Variants in SLC10A7 observed in about 807,000 individuals in gnomAD.
SLC10A7 encodes sodium/bile acid cotransporter 7.
In SLC10A7, 29 loss-of-function variants were observed where a neutral mutation model predicts 43.2. That is an observed-to-expected ratio of 0.67 (90% CI 0.50 to 0.92). The LOEUF (loss-of-function observed/expected upper bound fraction) is 0.92, where lower values mean the gene tolerates loss of function less well. Ranked by LOEUF, SLC10A7 falls within the 40% of genes least tolerant of loss-of-function variation. The probability of loss-of-function intolerance (pLI) is 0.00; values close to 1 mark genes in which losing one functional copy is unlikely to be tolerated. For synonymous variants in SLC10A7, 152 were observed against 144.8 expected (o/e 1.05, Z -0.35); for missense variants, 295 against 403.2 (o/e 0.73, Z 2.30).
In SLC10A7 at chr4:146,370,671, C is replaced by T. The variant is rs554700348; in HGVS notation, c.436-44675G>A. ...AGCCTTTTTTAATCTTCCCCCACAG[C>T]GCTCAGAGGTACTTTTCATAGAAGA... On this transcript the variant is annotated intron_variant, in intron 5 of 11. Transcript: ENST00000335472. 3.9e-5 allele frequency among the ~76,000 whole-genome samples: 6 copies of T among 152,238 alleles called. No homozygotes were observed. In the South Asian group the frequency reaches 8.3e-4, roughly 21 times the overall value.
chr4:146,357,079 C>T (rs1396073887), intron 5 of SLC10A7, among the ~76,000 whole-genome samples: 1 of 151,978 alleles, frequency 6.6e-6, no homozygotes, highest in Non-Finnish European at 1.5e-5. Context: ...GGTACGTCAC[C>T]CATGAAGAAA....
intron 5 of SLC10A7, among the ~76,000 whole-genome samples, chr4:146,343,215 T>G (rs1285137521): frequency 6.6e-6 from 1 of 152,012 alleles, no homozygotes; most frequent in Non-Finnish European, 1.5e-5. Context: ...TGGGTTCTGT[T>G]TTTCTATTTT....
At chr4:146,263,193 C>T (rs771536105) in intron 10 of SLC10A7, among the ~76,000 whole-genome samples, 17 of 152,214 alleles carry the variant, frequency 1.1e-4, no homozygotes, top group Admixed American at 2.6e-4. Flanking sequence ...TCTGGGAAGC[C>T]ATCCTCAGAG....
intron 10 of SLC10A7, among the ~76,000 whole-genome samples, chr4:146,259,516 G>T (rs868004189): frequency 6.6e-6 from 1 of 152,154 alleles, no homozygotes; most frequent in African/African-American, 2.4e-5. Context: ...CAGAAGAATC[G>T]CTTGAACCTG....
chr4:146,268,679 T>C (rs1728712022), intron 10 of SLC10A7, among the ~76,000 whole-genome samples: 1 of 152,190 alleles, frequency 6.6e-6, no homozygotes, highest in Non-Finnish European at 1.5e-5. Context: ...ACCATTGTTA[T>C]CCTCACTTTT....
At chr4:146,314,764 G>A (rs1293559402) in intron 6 of SLC10A7, among the ~76,000 whole-genome samples, 1 of 152,202 alleles carries the variant, frequency 6.6e-6, no homozygotes, top group Admixed American at 6.5e-5. Flanking sequence ...CTGGAGAGAG[G>A]AGAAGTGTGG....
Position 146,442,366 on chromosome 4 carries a change from G to A in SLC10A7, c.435+417C>T, listed in dbSNP as rs538679996. On this transcript the variant is annotated intron_variant, in intron 5 of 11. Coordinates refer to ENST00000335472, the MANE Select transcript of SLC10A7 (RefSeq NM_001029998.6). ...CCAGTAGCTTCTTTGACAGTGAAATGTACAAAATAAATGGCATGTCAACAA... is the reference window on the plus strand; with the variant it reads ...CCAGTAGCTTCTTTGACAGTGAAATATACAAAATAAATGGCATGTCAACAA... 39 of 999,926 alleles carry A rather than the reference G, an allele frequency of 3.9e-5. No homozygotes were observed. In the South Asian group the frequency reaches 1.4e-3, roughly 36 times the overall value. 61.9% of individuals were successfully genotyped at this position (999,926 alleles called of 1,614,324 possible).
At chr4:146,258,933 T>G (rs1318678281) in intron 10 of SLC10A7, 96 bp from the exon 11 acceptor site, 1 of 1,321,774 alleles carries the variant, frequency 7.6e-7, no homozygotes, top group African/African-American at 1.5e-5. Flanking sequence ...GAATAGGTTA[T>G]TACCATATTT....
At position 146,286,627 on chromosome 4, in the gene SLC10A7, C is replaced by T. The variant is rs78981884; in HGVS notation, c.774-3362G>A. ...CCGTGTCTGGAGTGGTGAGAAGGAC[C>T]GTGTCTGGAGTGGTGAGAAGGACCG... On this transcript the variant is annotated intron_variant, in intron 9 of 11. Coordinates refer to ENST00000335472, the MANE Select transcript of SLC10A7 (RefSeq NM_001029998.6). 6.9e-4 allele frequency among the ~76,000 whole-genome samples: 72 copies of T among 104,910 alleles called. No individual in the cohort carries two copies. The East Asian group carries it at 0.013, about 19-fold the overall frequency. 68.8% of individuals were successfully genotyped at this position (104,910 alleles called of 152,430 possible).
chr4:146,351,652 T>A (rs1414051419), intron 5 of SLC10A7, among the ~76,000 whole-genome samples: 1 of 151,856 alleles, frequency 6.6e-6, no homozygotes, highest in South Asian at 2.1e-4. Flanking sequence ...CGGGTTACCC[T>A]CAAAGGGAAG....
In SLC10A7 at chr4:146,400,579, G is replaced by A. The variant is rs560447525; in HGVS notation, c.435+42204C>T. Among the ~76,000 whole-genome samples the A allele has an allele frequency of 4.6e-5, 7 of 152,240 alleles. No homozygotes were observed. In the East Asian group the frequency reaches 1.2e-3, roughly 25 times the overall value. ...GAACATCTACTAGATGTGAGGCACT[G>A]TGGTAGTAATTAGAATAGAACTAAG... is the stretch of plus-strand genomic sequence containing the variant. On this transcript the variant is annotated intron_variant, in intron 5 of 11. Coordinates refer to ENST00000335472, the MANE Select transcript of SLC10A7 (RefSeq NM_001029998.6).
chr4:146,448,348 C>G (rs1404155202), intron 4 of SLC10A7, among the ~76,000 whole-genome samples: 1 of 152,072 alleles, frequency 6.6e-6, no homozygotes, highest in Non-Finnish European at 1.5e-5. Flanking sequence ...TTAAGCCTAC[C>G]ATAAGCCTGA....
intron 5 of SLC10A7, among the ~76,000 whole-genome samples, chr4:146,347,042 A>T (rs1734671279): frequency 6.6e-6 from 1 of 152,160 alleles, no homozygotes; most frequent in Admixed American, 6.5e-5. Context: ...ACCTCACCCA[A>T]CTGAGCGAGG....
At chr4:146,491,976 G>T (rs1355758439) in intron 4 of SLC10A7, among the ~76,000 whole-genome samples, 2 of 152,172 alleles carry the variant, frequency 1.3e-5, no homozygotes, top group Admixed American at 1.3e-4. Flanking sequence ...CCAGCACTTT[G>T]GGAGGCTGAG....
At chr4:146,363,263 A>T (rs1283324210) in intron 5 of SLC10A7, among the ~76,000 whole-genome samples, 1 of 152,144 alleles carries the variant, frequency 6.6e-6, no homozygotes, top group Non-Finnish European at 1.5e-5. Context: ...GTAGAAAGAG[A>T]CAAAGAAGGT....
intron 5 of SLC10A7, among the ~76,000 whole-genome samples, chr4:146,344,288 A>G (rs1734465206): frequency 6.6e-6 from 1 of 152,066 alleles, no homozygotes; most frequent in African/African-American, 2.4e-5. Flanking sequence ...AGAATTTTCA[A>G]TGTTGTCTAA....
chr4:146,421,278 T>C (rs1164878476), intron 5 of SLC10A7, among the ~76,000 whole-genome samples: 2 of 152,172 alleles, frequency 1.3e-5, no homozygotes, highest in East Asian at 3.9e-4. Context: ...ATATTAACTG[T>C]CTAAATAATT....
chr4:146,517,458 G>A (rs893715140), intron 1 of SLC10A7, among the ~76,000 whole-genome samples: 3 of 151,994 alleles, frequency 2.0e-5, no homozygotes, highest in Non-Finnish European at 2.9e-5. Flanking sequence ...GCAAGACTCT[G>A]TCTCAAAATA....
chr4:146,299,978 C>T (rs190239611), intron 7 of SLC10A7, among the ~76,000 whole-genome samples: 3 of 152,114 alleles, frequency 2.0e-5, no homozygotes, highest in African/African-American at 4.8e-5. Context: ...CTCCATTGCA[C>T]GCATGGAGTA....
Sources: allele counts gnomAD v4.1 joint callset (sites outside exome capture counted in the v4.1 genomes callset), GRCh38; gene constraint gnomAD v4.1.1; transcripts MANE v1.5; gene names NCBI Gene and HGNC (gene_info 2026-07-23, HGNC 2026-07-21).